The following DST variants were observed in gnomAD, a reference collection of about 807,000 sequenced individuals.
DST encodes bullous pemphigoid antigen.
A neutral mutation model predicts 875.2 loss-of-function variants in DST; 253 were observed. That is an observed-to-expected ratio of 0.29 (90% confidence interval 0.26 to 0.32). The LOEUF is 0.32. DST is among the 10% of genes least tolerant of loss of function. The pLI, the probability that DST is intolerant of heterozygous loss-of-function variation, is 1.00. For missense variants in DST, 8,287 were observed against 9,111.6 expected (o/e 0.91, Z 3.68); for synonymous variants, 3,124 against 3,197.1 (o/e 0.98, Z 0.77).
chr6:56,763,500 C>T (rs536638387), intron 4 of DST, among the ~76,000 whole-genome samples: 3 of 151,808 alleles, frequency 2.0e-5, no homozygotes, highest in Admixed American at 6.6e-5. Context: ...GGTGAAACCA[C>T]GTCTCTACTA....
intron 49 of DST, among the ~76,000 whole-genome samples, chr6:56,590,540 T>C (rs1270683557): frequency 6.6e-6 from 1 of 152,160 alleles, no homozygotes; most frequent in African/African-American, 2.4e-5. Flanking sequence ...ACATATCTTG[T>C]CCTTGAATAT....
rs2098675495 is a variant in DST at position 56,620,190 on chromosome 6, C to T, written c.4929+4340G>A. 1.9e-6 allele frequency: 3 copies of T among 1,613,546 alleles called. No homozygotes were observed. Among genetic ancestry groups the T allele is most frequent in the Non-Finnish European group, 2.5e-6 (3 of 1,179,924 alleles). On this transcript the variant is annotated intron_variant, in intron 36 of 103. Coordinates refer to ENST00000680361, the MANE Select transcript of DST (RefSeq NM_001374736.1). ...AGCTTCAAGAGTTCTTCCTCATTGT[C>T]TCTCTTTCTTCTTAATTCTTCCATT... is the stretch of plus-strand genomic sequence containing the variant.
intron 60 of DST, among the ~76,000 whole-genome samples, chr6:56,553,881 G>T (rs1245912564): frequency 6.6e-6 from 1 of 152,096 alleles, no homozygotes; most frequent in Non-Finnish European, 1.5e-5. Context: ...GCAGGATACA[G>T]ATGAGAGGGG....
chr6:56,782,812 T>G (rs987695858), intron 4 of DST, among the ~76,000 whole-genome samples: 1 of 152,218 alleles, frequency 6.6e-6, no homozygotes, highest in African/African-American at 2.4e-5. Context: ...TTAATTGTGA[T>G]GTTAGGGTAT....
At chr6:56,565,332 G>A (rs1228016068) in intron 55 of DST, among the ~76,000 whole-genome samples, 1 of 151,922 alleles carries the variant, frequency 6.6e-6, no homozygotes, top group Admixed American at 6.6e-5. Flanking sequence ...TGTTAACCAC[G>A]ATGGTCTCAA....
At position 56,793,068 on chromosome 6, in the gene DST, CAAAAAAAAAAAAA is replaced by C. The variant is rs61457774; in HGVS notation, c.626-57792_626-57780del. On this transcript the variant is annotated intron_variant, in intron 4 of 103. Transcript: ENST00000680361. Reference sequence around the variant, plus strand: ...TGGACAACAGAGTGAGACCCTGTCTCAAAAAAAAAAAAAAAAAAAAAAAAAAAAAAAGCAAAAG... The same window carrying C: ...TGGACAACAGAGTGAGACCCTGTCTCAAAAAAAAAAAAAAAAAAGCAAAAG... 8.2e-3 allele frequency among the ~76,000 whole-genome samples: 349 copies of C among 42,356 alleles called. 1 individual carries two copies. The highest frequency in any genetic ancestry group is 0.031 in the Middle Eastern group (1 of 32). 27.8% of individuals were successfully genotyped at this position (42,356 alleles called of 152,430 possible).
intron 3 of DST, among the ~76,000 whole-genome samples, chr6:56,889,704 A>C (rs960594648): frequency 1.3e-5 from 2 of 152,160 alleles, no homozygotes; most frequent in African/African-American, 4.8e-5. Context: ...TGATGCTCTA[A>C]AACTGTTATT....
intron 9 of DST, among the ~76,000 whole-genome samples, chr6:56,683,499 T>C (rs1487640972): frequency 2.0e-5 from 3 of 152,222 alleles, no homozygotes; most frequent in African/African-American, 7.2e-5. Context: ...ATGAACCATA[T>C]GTTTCCTCTC....
At chr6:56,907,802 A>T (rs1797062061) in intron 2 of DST, among the ~76,000 whole-genome samples, 1 of 152,242 alleles carries the variant, frequency 6.6e-6, no homozygotes, top group African/African-American at 2.4e-5. Context: ...ATAAGGTCAA[A>T]CTACTGTCAA....
chr6:56,674,983 G>C (rs992408552), intron 9 of DST, among the ~76,000 whole-genome samples: 1 of 152,132 alleles, frequency 6.6e-6, no homozygotes, highest in African/African-American at 2.4e-5. Flanking sequence ...AACAAACCTG[G>C]AAGCGTCACA....
At chr6:56,731,575 T>G (rs80072232) in intron 5 of DST, among the ~76,000 whole-genome samples, 3,283 of 152,336 alleles carry the variant, frequency 0.022, 100 homozygotes, top group African/African-American at 0.069. Flanking sequence ...TTTTACCTCT[T>G]CCTACTCAGT....
At chr6:56,822,467 A>G (rs1433087811) in intron 4 of DST, among the ~76,000 whole-genome samples, 3 of 152,230 alleles carry the variant, frequency 2.0e-5, no homozygotes, top group Non-Finnish European at 4.4e-5. Flanking sequence ...GAGACTGCAC[A>G]AAAGCAAATC....
intron 3 of DST, among the ~76,000 whole-genome samples, chr6:56,865,291 GTGTGTC>G (rs1278505133): frequency 1.3e-5 from 2 of 151,114 alleles, no homozygotes; most frequent in African/African-American, 4.9e-5. Context: ...GTGTGTGTGT[GTGTGTC>G]TGTATGTGTG....
intron 5 of DST, among the ~76,000 whole-genome samples, chr6:56,730,022 T>G (rs1298736646): frequency 6.6e-6 from 1 of 152,184 alleles, no homozygotes; most frequent in African/African-American, 2.4e-5. Context: ...TGCATTTATG[T>G]GTCAATAAAT....
chr6:56,828,399 G>A (rs1344758616), intron 4 of DST, among the ~76,000 whole-genome samples: 1 of 152,198 alleles, frequency 6.6e-6, no homozygotes, highest in Non-Finnish European at 1.5e-5. Context: ...ATAATGCAAG[G>A]CCCTAAAATA....
chr6:56,656,126 A>G (rs953510280), intron 10 of DST, among the ~76,000 whole-genome samples: 3 of 152,258 alleles, frequency 2.0e-5, no homozygotes, highest in Admixed American at 1.3e-4. Context: ...CAAAACCACC[A>G]TCTATGGCTT....
Position 56,561,448 on chromosome 6 carries a change from A to G in DST, c.14170T>C (p.Ser4724Pro), listed in dbSNP as rs148547958. The change falls in exon 57 of 104, where the codon TCC becomes CCC. Residue 4724 changes from serine (S) to proline (P), a missense_variant. Coordinates refer to ENST00000680361, the MANE Select transcript of DST (RefSeq NM_001374736.1). ...DKIAELNTKLSKLQKAQEESS... is the reference protein window; with the variant it reads ...DKIAELNTKLPKLQKAQEESS... ...TCTTCCTGAGCCTTTTGCAATTTGG[A>G]GAGTTTAGTGTTCAGTTCCGCTATT... The G allele has an allele frequency of 7.6e-4, 1,234 of 1,613,798 alleles. 16 individuals carry two copies. The East Asian group carries it at 0.023, about 30-fold the overall frequency.
At chr6:56,473,009 T>TA (rs763114950) in intron 93 of DST, among the ~76,000 whole-genome samples, 5 of 152,256 alleles carry the variant, frequency 3.3e-5, no homozygotes, top group Non-Finnish European at 5.9e-5. Flanking sequence ...CTTGAGCATT[T>TA]AACTATATGC....
At chr6:56,591,266 C>T (rs185625528) in intron 49 of DST, among the ~76,000 whole-genome samples, 10 of 152,296 alleles carry the variant, frequency 6.6e-5, no homozygotes, top group Admixed American at 1.3e-4. Flanking sequence ...GTTTTGACAC[C>T]AAGCCTGTAT....
Sources: allele counts gnomAD v4.1 joint callset (sites outside exome capture counted in the v4.1 genomes callset), GRCh38; gene constraint gnomAD v4.1.1; transcripts MANE v1.5; gene names NCBI Gene and HGNC (gene_info 2026-07-23, HGNC 2026-07-21).